The following SLC25A26 variants were observed in gnomAD, a reference collection of about 807,000 sequenced individuals.
SLC25A26 encodes the protein solute carrier family 25 member 26, also known as mitochondrial S-adenosylmethionine carrier protein.
A neutral mutation model predicts 37.8 loss-of-function variants in SLC25A26; 36 were observed. That is an observed-to-expected ratio of 0.95 (90% confidence interval 0.73 to 1.26). The LOEUF (loss-of-function observed/expected upper bound fraction) is 1.26. Ranked by LOEUF, SLC25A26 falls within the 50% of genes most tolerant of loss-of-function variation. The pLI, the probability that SLC25A26 is intolerant of heterozygous loss-of-function variation, is 0.00. For missense variants in SLC25A26, 390 were observed against 331.1 expected (o/e 1.18, Z -1.38); for synonymous variants, 129 against 122.5 (o/e 1.05, Z -0.35).
chr3:66,170,895 C>G (rs1368905237), intron 1 of SLC25A26, among the ~76,000 whole-genome samples: 2 of 147,558 alleles, frequency 1.4e-5, no homozygotes, highest in East Asian at 4.0e-4. Flanking sequence ...GCTCCGCCTC[C>G]CGGGTTCACG....
chr3:66,165,043 T>G (rs1336528125), intron 1 of SLC25A26, among the ~76,000 whole-genome samples: 1 of 152,206 alleles, frequency 6.6e-6, no homozygotes, highest in Non-Finnish European at 1.5e-5. Flanking sequence ...GTATGTGACC[T>G]CAGAGACTGT....
chr3:66,312,041 T>A (rs777048030), intron 5 of SLC25A26, among the ~76,000 whole-genome samples: 1 of 152,202 alleles, frequency 6.6e-6, no homozygotes, highest in Non-Finnish European at 1.5e-5. Context: ...TCCACTCCTC[T>A]CTTCAGAGCT....
intron 5 of SLC25A26, among the ~76,000 whole-genome samples, chr3:66,318,505 A>C (rs2075603032): frequency 6.6e-6 from 1 of 151,676 alleles, no homozygotes; most frequent in Admixed American, 6.6e-5. Flanking sequence ...GGTCATGCCA[A>C]CTGCCTCGTC....
chr3:66,274,983 A>G (rs1427974257), intron 5 of SLC25A26, among the ~76,000 whole-genome samples: 1 of 152,166 alleles, frequency 6.6e-6, no homozygotes, highest in African/African-American at 2.4e-5. Flanking sequence ...TCACAATAGC[A>G]AAGACTTGGA....
chr3:66,358,442 C>A (rs757291477), intron 6 of SLC25A26, among the ~76,000 whole-genome samples: 19 of 152,184 alleles, frequency 1.2e-4, no homozygotes, highest in Admixed American at 6.5e-5. Flanking sequence ...TTTGTTCATT[C>A]ACTTGGATAT....
chr3:66,318,602 A>G (rs6784578), intron 5 of SLC25A26, among the ~76,000 whole-genome samples: 85,112 of 151,628 alleles, frequency 0.56, 24,800 homozygotes, highest in East Asian at 0.79. Flanking sequence ...GCCACAGAGC[A>G]GAGCTGTTTC....
chr3:66,296,173 A>G (rs2074896841), intron 5 of SLC25A26, among the ~76,000 whole-genome samples: 1 of 152,184 alleles, frequency 6.6e-6, no homozygotes, highest in Non-Finnish European at 1.5e-5. Context: ...GGCAAGCATT[A>G]AGCATGCTAA....
At chr3:66,220,879 TA>T, upstream of SLC25A26, 2 of 600,152 alleles carry the variant, frequency 3.3e-6, no homozygotes, top group South Asian at 3.9e-5. Context: ...TGCCGAGACT[TA>T]GCTCCACCAC....
chr3:66,262,361 A>G (rs542644625), intron 4 of SLC25A26, among the ~76,000 whole-genome samples: 26 of 152,346 alleles, frequency 1.7e-4, no homozygotes, highest in Admixed American at 3.9e-4. Context: ...ATTTCTGAGC[A>G]TAACATTGAG....
At chr3:66,355,936 A>T (rs1245460008) in intron 6 of SLC25A26, 3 of 444,232 alleles carry the variant, frequency 6.8e-6, no homozygotes, top group African/African-American at 6.1e-5. Flanking sequence ...TTGTCATGTG[A>T]TGTTACTAAT....
intron 3 of SLC25A26, among the ~76,000 whole-genome samples, chr3:66,257,769 A>C (rs1260642467): frequency 6.6e-6 from 1 of 151,918 alleles, no homozygotes; most frequent in Non-Finnish European, 1.5e-5. Flanking sequence ...ATCTCCTAAC[A>C]CCTAGCCATC....
chr3:66,236,445 C>G, intron 1 of SLC25A26, 99 bp from the exon 2 acceptor site: 1 of 905,778 alleles, frequency 1.1e-6, no homozygotes, highest in Non-Finnish European at 1.6e-6. Context: ...GAGAAATGTG[C>G]TTTAAAGACT....
intron 5 of SLC25A26, among the ~76,000 whole-genome samples, chr3:66,285,327 CTA>C (rs1173052576): frequency 1.3e-5 from 2 of 151,390 alleles, no homozygotes; most frequent in African/African-American, 4.9e-5. Context: ...GGGATTTTTG[CTA>C]TGTGAGTTGT....
chr3:66,297,498 A>C (rs1576821830), intron 5 of SLC25A26, among the ~76,000 whole-genome samples: 1 of 152,180 alleles, frequency 6.6e-6, no homozygotes, highest in African/African-American at 2.4e-5. Context: ...TAGCTTCCTT[A>C]GTACATCAGA....
intron 5 of SLC25A26, among the ~76,000 whole-genome samples, chr3:66,325,411 TAAG>T (rs986813405): frequency 2.0e-5 from 3 of 152,334 alleles, no homozygotes; most frequent in East Asian, 3.9e-4. Context: ...AAACATCTGT[TAAG>T]AAGATCAGTG....
rs374658742 is a variant in SLC25A26, at chr3:66,329,771, C to T, written c.454-16593C>T. On this transcript the variant is annotated intron_variant, in intron 5 of 9. Coordinates refer to ENST00000354883, the MANE Select transcript of SLC25A26 (RefSeq NM_001379210.1). The stretch of plus-strand genomic sequence containing the variant: ...TTTATGAGCTAGAGCCTTGCTCCAT[C>T]ACTGTTACCTCGAACTCCTGGCCTC... 2.0e-5 allele frequency among the ~76,000 whole-genome samples: 3 copies of T among 152,274 alleles called. No homozygotes were observed. The East Asian group carries it at 5.8e-4, about 29-fold the overall frequency.
At chr3:66,267,584 G>A (rs2073802388) in intron 5 of SLC25A26, among the ~76,000 whole-genome samples, 1 of 152,154 alleles carries the variant, frequency 6.6e-6, no homozygotes, top group Non-Finnish European at 1.5e-5. Flanking sequence ...AAGCTGGTTG[G>A]AGCTGTCCCA....
intron 2 of SLC25A26, among the ~76,000 whole-genome samples, chr3:66,241,829 A>G (rs1320741594): frequency 6.6e-6 from 1 of 152,022 alleles, no homozygotes; most frequent in Admixed American, 6.6e-5. Flanking sequence ...GGCTAGAGGG[A>G]AACAAAGATG....
intron 9 of SLC25A26, among the ~76,000 whole-genome samples, chr3:66,373,185 T>C (rs1393748564): frequency 1.3e-5 from 2 of 152,282 alleles, no homozygotes; most frequent in African/African-American, 4.8e-5. Context: ...ACTGTGCCCT[T>C]TATGTAGTAG....
Sources: gnomAD v4.1 joint callset for allele counts (sites outside exome capture counted in the v4.1 genomes callset) on GRCh38, gnomAD v4.1.1 for gene constraint, MANE v1.5 for transcripts, NCBI Gene and HGNC (gene_info 2026-07-23, HGNC 2026-07-21) for gene names.